ARHGAP8: variants seen among roughly 807,000 people sequenced by gnomAD.
ARHGAP8 encodes rho GTPase-activating protein 8.
ARHGAP8 carries 62 observed loss-of-function variants against 46.1 expected under a neutral mutation model. The ratio of observed to expected loss-of-function variants is 1.34; its 90% CI spans 1.10 to 1.66. The LOEUF (loss-of-function observed/expected upper bound fraction) is 1.66, where lower values mean the gene tolerates loss of function less well. Among genes scored for constraint, ARHGAP8 ranks in the 40% most tolerant of loss-of-function variants. The pLI, the probability that ARHGAP8 is intolerant of heterozygous loss-of-function variation, is 0.00. For synonymous variants in ARHGAP8, 375 were observed against 243.1 expected (o/e 1.54, Z -5.05); for missense variants, 923 against 568.4 (o/e 1.62, Z -6.34).
intron 1 of ARHGAP8, among the ~76,000 whole-genome samples, chr22:44,756,446 G>T (rs1168531477): frequency 2.0e-5 from 3 of 152,058 alleles, no homozygotes; most frequent in East Asian, 1.9e-4. Flanking sequence ...GTATAAGAGG[G>T]TTTATTTTTT....
At chr22:44,845,651 A>G (rs2069935936) in intron 8 of ARHGAP8, among the ~76,000 whole-genome samples, 1 of 152,216 alleles carries the variant, frequency 6.6e-6, no homozygotes, top group Non-Finnish European at 1.5e-5. Flanking sequence ...TAAACGAGAC[A>G]GTGCCTGCAA....
intron 2 of ARHGAP8, 105 bp from the exon 3 acceptor site, chr22:44,801,972 C>T: frequency 7.3e-7 from 1 of 1,376,686 alleles, no homozygotes. Flanking sequence ...CTGCCTGTGC[C>T]TCCCAGCTCG....
intron 5 of ARHGAP8, among the ~76,000 whole-genome samples, chr22:44,815,083 A>G (rs984943034): frequency 5.3e-5 from 8 of 152,182 alleles, no homozygotes; most frequent in Non-Finnish European, 1.0e-4. Context: ...GAAAGCTGTT[A>G]TCTTCACTGT....
At chr22:44,821,735 C>T (rs559775070) in intron 5 of ARHGAP8, among the ~76,000 whole-genome samples, 1 of 152,216 alleles carries the variant, frequency 6.6e-6, no homozygotes, top group Non-Finnish European at 1.5e-5. Context: ...GGAGGGAGAA[C>T]CCCCACTTTC....
At chr22:44,817,768 T>C (rs1348547299) in intron 5 of ARHGAP8, among the ~76,000 whole-genome samples, 3 of 151,828 alleles carry the variant, frequency 2.0e-5, no homozygotes, top group Non-Finnish European at 2.9e-5. Flanking sequence ...GATTGCACCA[T>C]TGCACTCCAG....
At chr22:44,850,471 A>G (rs2070065919) in intron 10 of ARHGAP8, 1 of 152,244 alleles carries the variant, frequency 6.6e-6, no homozygotes, top group East Asian at 1.9e-4. Context: ...TGAATGCGCC[A>G]GGCTGTGTCC....
chr22:44,821,286 C>T (rs1354207250), intron 5 of ARHGAP8, among the ~76,000 whole-genome samples: 4 of 152,026 alleles, frequency 2.6e-5, no homozygotes, highest in Admixed American at 6.6e-5. Context: ...AAAAATTAGC[C>T]AGGCGTGGTG....
At chr22:44,844,929 CCT>C (rs1360510862) in intron 7 of ARHGAP8, among the ~76,000 whole-genome samples, 6 of 152,312 alleles carry the variant, frequency 3.9e-5, no homozygotes, top group African/African-American at 1.4e-4. Flanking sequence ...GTATGGCTTC[CCT>C]GTCTAGAATG....
chr22:44,788,688 C>G (rs185423851), intron 2 of ARHGAP8, among the ~76,000 whole-genome samples: 39 of 152,300 alleles, frequency 2.6e-4, no homozygotes, highest in African/African-American at 8.9e-4. Flanking sequence ...AGCCACCATG[C>G]TGGCCGGTTA....
chr22:44,830,098 A>G (rs1452693024), intron 7 of ARHGAP8, among the ~76,000 whole-genome samples: 1 of 146,150 alleles, frequency 6.8e-6, no homozygotes, highest in African/African-American at 2.6e-5. Context: ...ATCTCTGCTC[A>G]CTGCAACCTC....
intron 7 of ARHGAP8, among the ~76,000 whole-genome samples, chr22:44,825,913 C>T (rs1930487942): frequency 1.0e-5 from 1 of 97,516 alleles, no homozygotes; most frequent in Non-Finnish European, 1.9e-5. Context: ...GTTGGGGGGG[C>T]GCGTGCTGGG....
rs1336698012 is a variant in ARHGAP8, at chr22:44,813,748, C to CATACACACCTAT, written c.300-917_300-906dup. On this transcript the variant is annotated intron_variant, in intron 4 of 11. Coordinates refer to ENST00000356099, the MANE Select transcript of ARHGAP8 (RefSeq NM_181335.3). ...ATACACTTACACCTACACACACCTA[C>CATACACACCTAT]ATACACACCTATATACACTTACACC... is the stretch of plus-strand genomic sequence containing the variant. Among the ~76,000 whole-genome samples, 300 of 151,306 alleles carry CATACACACCTAT rather than the reference C, an allele frequency of 2.0e-3. 3 individuals carry two copies. The highest frequency in any genetic ancestry group is 6.7e-3 in the African/African-American group (277 of 41,174).
At chr22:44,856,419 A>G (rs1232505727) in intron 10 of ARHGAP8, among the ~76,000 whole-genome samples, 1 of 151,498 alleles carries the variant, frequency 6.6e-6, no homozygotes, top group Non-Finnish European at 1.5e-5. Context: ...GATTACAGGC[A>G]CCCGCCACCA....
chr22:44,849,796 T>G (rs913001928), intron 10 of ARHGAP8: 11 of 152,186 alleles, frequency 7.2e-5, no homozygotes, highest in African/African-American at 2.7e-4. Flanking sequence ...AGACAAATCT[T>G]GAATCTTAAA....
intron 2 of ARHGAP8, among the ~76,000 whole-genome samples, chr22:44,793,291 T>C (rs1282699453): frequency 6.6e-6 from 1 of 151,948 alleles, no homozygotes; most frequent in African/African-American, 2.4e-5. Flanking sequence ...AGGTTCCAGG[T>C]CTGAGGACCA....
In ARHGAP8 at chr22:44,769,078, G is replaced by A. The variant is rs184255398; in HGVS notation, c.-72+16451G>A. Among the ~76,000 whole-genome samples, 632 of 152,110 alleles carry A rather than the reference G, an allele frequency of 4.2e-3. 3 individuals are homozygous for A. Among genetic ancestry groups the A allele is most frequent in the Middle Eastern group, 6.8e-3 (2 of 294 alleles). ...TTGAACTCCAGACCTCAGGTGATCCGCCTGCCTTGGCCTCCCAAAGTGCTG... is the reference window on the plus strand; with the variant it reads ...TTGAACTCCAGACCTCAGGTGATCCACCTGCCTTGGCCTCCCAAAGTGCTG... On this transcript the variant is annotated intron_variant, in intron 1 of 11. Transcript: ENST00000356099.
intron 10 of ARHGAP8, 39 bp from the exon 11 acceptor site, chr22:44,859,692 C>A (rs377686798): frequency 1.0e-5 from 16 of 1,605,868 alleles, no homozygotes; most frequent in Non-Finnish European, 2.5e-6. Context: ...CTGCCCCTGG[C>A]CCCTCTGGAG....
chr22:44,803,216 T>A (rs938102982), intron 3 of ARHGAP8, among the ~76,000 whole-genome samples: 1 of 152,114 alleles, frequency 6.6e-6, no homozygotes, highest in Non-Finnish European at 1.5e-5. Context: ...GGGCCCCATG[T>A]CCCTTGTACA....
chr22:44,769,897 G>T (rs942220265), intron 1 of ARHGAP8, among the ~76,000 whole-genome samples: 1 of 152,168 alleles, frequency 6.6e-6, no homozygotes, highest in African/African-American at 2.4e-5. Flanking sequence ...GGATATTTTG[G>T]CAGGCAGAGG....
Sources: allele counts gnomAD v4.1 joint callset (sites outside exome capture counted in the v4.1 genomes callset), GRCh38; gene constraint gnomAD v4.1.1; transcripts MANE v1.5; gene names NCBI Gene and HGNC (gene_info 2026-07-23, HGNC 2026-07-21).